ENTREP2: variants seen among roughly 807,000 people sequenced by gnomAD.
ENTREP2 encodes protein ENTREP2.
At chr15:29,575,454 T>C in the ENTREP2 span, among the ~76,000 whole-genome samples, 2 of 152,316 alleles carry the variant, frequency 1.3e-5, no homozygotes, top group Non-Finnish European at 2.9e-5. Context: ...ATTTGACATG[T>C]GGTGAATGTC....
chr15:29,580,291 T>C, the ENTREP2 span, among the ~76,000 whole-genome samples: 1 of 152,282 alleles, frequency 6.6e-6, no homozygotes, highest in African/African-American at 2.4e-5. Flanking sequence ...AGGGCACCCA[T>C]GTTAGTGTCA....
the ENTREP2 span, among the ~76,000 whole-genome samples, chr15:29,354,411 T>G: frequency 6.6e-6 from 1 of 152,212 alleles, no homozygotes; most frequent in Non-Finnish European, 1.5e-5. Context: ...CCATTGGTTC[T>G]GTTTCTCTGG....
the ENTREP2 span, among the ~76,000 whole-genome samples, chr15:29,346,991 A>G: frequency 3.3e-5 from 5 of 152,192 alleles, no homozygotes; most frequent in African/African-American, 1.2e-4. Flanking sequence ...TTTGCTTCCA[A>G]TGCGATCTGT....
the ENTREP2 span, among the ~76,000 whole-genome samples, chr15:29,173,941 A>G: frequency 6.8e-6 from 1 of 148,022 alleles, no homozygotes; most frequent in Non-Finnish European, 1.5e-5. Flanking sequence ...ATATCTGGAT[A>G]GCCAAAAAAA....
the ENTREP2 span, among the ~76,000 whole-genome samples, chr15:29,377,863 A>AAT: frequency 5.4e-5 from 5 of 92,122 alleles, no homozygotes; most frequent in East Asian, 1.7e-3. Flanking sequence ...TAATAATAAT[A>AAT]AAAAAATGAG....
the ENTREP2 span, among the ~76,000 whole-genome samples, chr15:29,616,755 C>T: frequency 1.3e-5 from 2 of 152,124 alleles, no homozygotes; most frequent in Admixed American, 6.6e-5. Flanking sequence ...GAAACACACT[C>T]AATAGGCTAT....
the ENTREP2 span, among the ~76,000 whole-genome samples, chr15:29,584,997 GGATAGATA>G: frequency 0.5 from 76,020 of 150,600 alleles, 21,501 homozygotes; most frequent in Non-Finnish European, 0.65. Context: ...AAAGATCGAT[GGATAGATA>G]GATAGATAGA....
At chr15:29,411,063 A>AT in the ENTREP2 span, among the ~76,000 whole-genome samples, 83 of 152,318 alleles carry the variant, frequency 5.4e-4, no homozygotes, top group African/African-American at 1.9e-3. Flanking sequence ...GATTACAGGC[A>AT]TGAGCCACTG....
the ENTREP2 span, among the ~76,000 whole-genome samples, chr15:29,289,282 T>C: frequency 8.6e-4 from 129 of 150,206 alleles, no homozygotes; most frequent in African/African-American, 3.0e-3. Flanking sequence ...AAAAAGAGCA[T>C]CTAAATGTCA....
the ENTREP2 span, among the ~76,000 whole-genome samples, chr15:29,469,736 A>T: frequency 6.6e-6 from 1 of 152,108 alleles, no homozygotes; most frequent in African/African-American, 2.4e-5. Flanking sequence ...TCAGTTTCAC[A>T]TATGTGTATT....
At chr15:29,574,382 C>T in the ENTREP2 span, among the ~76,000 whole-genome samples, 1 of 152,306 alleles carries the variant, frequency 6.6e-6, no homozygotes, top group East Asian at 1.9e-4. Flanking sequence ...CAACCTCCAC[C>T]TCCTGAGTTC....
the ENTREP2 span, among the ~76,000 whole-genome samples, chr15:29,596,439 G>A: frequency 5.3e-5 from 8 of 152,064 alleles, no homozygotes; most frequent in Admixed American, 5.2e-4. Context: ...CGTGTACGGT[G>A]GTTTCAGAAT....
the ENTREP2 span, among the ~76,000 whole-genome samples, chr15:29,207,011 G>A: frequency 6.6e-6 from 1 of 152,102 alleles, no homozygotes. Context: ...TGCTCCGTAG[G>A]TTGGATGACA....
At chr15:29,401,998 A>C in the ENTREP2 span, among the ~76,000 whole-genome samples, 1 of 152,232 alleles carries the variant, frequency 6.6e-6, no homozygotes, top group Non-Finnish European at 1.5e-5. Context: ...ATTAAGGAGG[A>C]GGCGAGGGGG....
the ENTREP2 span, among the ~76,000 whole-genome samples, chr15:29,378,040 A>T: frequency 4.0e-5 from 6 of 151,798 alleles, no homozygotes; most frequent in Non-Finnish European, 7.4e-5. Flanking sequence ...TGTGATACCT[A>T]ATTAGAGAAG....
chr15:29,378,085 A>C, the ENTREP2 span, among the ~76,000 whole-genome samples: 1 of 152,012 alleles, frequency 6.6e-6, no homozygotes, highest in African/African-American at 2.4e-5. Context: ...AGTTGGCTGG[A>C]ACAAAGGAGG....
chr15:29,397,410 T>G, the ENTREP2 span, among the ~76,000 whole-genome samples: 15 of 151,704 alleles, frequency 9.9e-5, no homozygotes, highest in Non-Finnish European at 1.8e-4. Context: ...AAAAAAAAAT[T>G]TACTCAGAAA....
chr15:29,338,852 T>TA, the ENTREP2 span, among the ~76,000 whole-genome samples: 7 of 152,294 alleles, frequency 4.6e-5, no homozygotes, highest in East Asian at 1.4e-3. Context: ...AGTAAACATT[T>TA]AAAATTTACA....
chr15:29,183,454 G>C, the ENTREP2 span, among the ~76,000 whole-genome samples: 1 of 152,182 alleles, frequency 6.6e-6, no homozygotes, highest in Non-Finnish European at 1.5e-5. Context: ...AAATGCAGCA[G>C]GTGCACACAC....
Sources: gnomAD v4.1 joint callset for allele counts (sites outside exome capture counted in the v4.1 genomes callset) on GRCh38, gnomAD v4.1.1 for gene constraint, MANE v1.5 for transcripts, NCBI Gene and HGNC (gene_info 2026-07-23, HGNC 2026-07-21) for gene names.